Variants in CAMKMT observed in about 807,000 individuals in gnomAD.
CAMKMT encodes the protein calmodulin-lysine N-methyltransferase.
Under a neutral mutation model 48.0 loss-of-function variants are expected in CAMKMT, and 53 were observed. The ratio of observed to expected loss-of-function variants is 1.10; its 90% CI spans 0.89 to 1.39. The LOEUF (loss-of-function observed/expected upper bound fraction) is 1.39. Among genes scored for constraint, CAMKMT ranks in the 40% most tolerant of loss-of-function variants. The pLI, the probability that CAMKMT is intolerant of heterozygous loss-of-function variation, is 0.00. For synonymous variants in CAMKMT, 165 were observed against 152.3 expected (o/e 1.08, Z -0.61); for missense variants, 428 against 402.7 (o/e 1.06, Z -0.54).
chr2:44,747,653 T>A (rs1430964399), intron 8 of CAMKMT, among the ~76,000 whole-genome samples: 1 of 152,244 alleles, frequency 6.6e-6, no homozygotes, highest in Non-Finnish European at 1.5e-5. Context: ...CATAGGGGTC[T>A]TCCTTTCTGT....
At chr2:44,634,816 T>A (rs1239045454) in intron 3 of CAMKMT, among the ~76,000 whole-genome samples, 7 of 66,084 alleles carry the variant, frequency 1.1e-4, no homozygotes, top group South Asian at 4.7e-4. Flanking sequence ...AAAAAAAGCA[T>A]TCTAGTCAGA....
chr2:44,376,335 A>T (rs747925218), intron 2 of CAMKMT, among the ~76,000 whole-genome samples: 1 of 151,530 alleles, frequency 6.6e-6, no homozygotes, highest in African/African-American at 2.4e-5. Flanking sequence ...ACATGAGAAT[A>T]GCTTGAACGT....
At chr2:44,715,749 A>G (rs1196065926) in intron 7 of CAMKMT, among the ~76,000 whole-genome samples, 1 of 151,938 alleles carries the variant, frequency 6.6e-6, no homozygotes, top group Non-Finnish European at 1.5e-5. Flanking sequence ...TTTTGTTGTC[A>G]TGACTTGGTA....
At chr2:44,649,331 C>A (rs372176773) in intron 3 of CAMKMT, among the ~76,000 whole-genome samples, 1 of 151,744 alleles carries the variant, frequency 6.6e-6, no homozygotes, top group Admixed American at 6.6e-5. Context: ...AGGTGCTGGC[C>A]GTACTAAGAT....
chr2:44,726,372 G>A (rs1678787153), intron 7 of CAMKMT, among the ~76,000 whole-genome samples: 1 of 152,140 alleles, frequency 6.6e-6, no homozygotes, highest in African/African-American at 2.4e-5. Flanking sequence ...GCATTTCTCT[G>A]GTAATTAGTG....
At chr2:44,581,347 A>G (rs1397180600) in intron 3 of CAMKMT, among the ~76,000 whole-genome samples, 1 of 152,232 alleles carries the variant, frequency 6.6e-6, no homozygotes, top group Non-Finnish European at 1.5e-5. Flanking sequence ...ACATTAAGCT[A>G]AGCAAATGGG....
intron 6 of CAMKMT, among the ~76,000 whole-genome samples, chr2:44,714,954 GA>G (rs1678091803): frequency 6.6e-6 from 1 of 152,154 alleles, no homozygotes; most frequent in Admixed American, 6.6e-5. Flanking sequence ...AGTATTTTGG[GA>G]AACTGAGACA....
chr2:44,427,571 G>A (rs1684352434), intron 3 of CAMKMT, among the ~76,000 whole-genome samples: 1 of 152,114 alleles, frequency 6.6e-6, no homozygotes, highest in East Asian at 1.9e-4. Flanking sequence ...GAATCTAGAG[G>A]GATGCACATC....
intron 3 of CAMKMT, among the ~76,000 whole-genome samples, chr2:44,417,913 C>G (rs1233217382): frequency 6.6e-6 from 1 of 152,118 alleles, no homozygotes; most frequent in African/African-American, 2.4e-5. Context: ...GAGTTGTAGG[C>G]CGGGCATTGT....
chr2:44,667,157 A>G (rs889750930), intron 3 of CAMKMT, among the ~76,000 whole-genome samples: 3 of 152,158 alleles, frequency 2.0e-5, no homozygotes, highest in Admixed American at 1.3e-4. Flanking sequence ...TCCAATTCAG[A>G]CCACCCATCG....
intron 7 of CAMKMT, among the ~76,000 whole-genome samples, chr2:44,724,429 T>C (rs1678662380): frequency 6.6e-6 from 1 of 152,236 alleles, no homozygotes; most frequent in Admixed American, 6.5e-5. Flanking sequence ...TAAACCTTGC[T>C]GAAGCAAACT....
chr2:44,389,008 C>A (rs1203303617), intron 2 of CAMKMT, among the ~76,000 whole-genome samples: 2 of 152,124 alleles, frequency 1.3e-5, no homozygotes, highest in Non-Finnish European at 2.9e-5. Context: ...TGGTGCTTTC[C>A]AGAGAGCATC....
chr2:44,637,034 G>A (rs1416332344), intron 3 of CAMKMT, among the ~76,000 whole-genome samples: 1 of 151,798 alleles, frequency 6.6e-6, no homozygotes, highest in East Asian at 1.9e-4. Context: ...GGTAAGAGGG[G>A]AAAAAAAATG....
intron 9 of CAMKMT, among the ~76,000 whole-genome samples, chr2:44,756,326 C>T (rs1680378212): frequency 6.6e-6 from 1 of 152,172 alleles, no homozygotes; most frequent in African/African-American, 2.4e-5. Flanking sequence ...AGTATACAGT[C>T]CAAGACTAAG....
intron 3 of CAMKMT, among the ~76,000 whole-genome samples, chr2:44,402,923 G>GTTTTTTTTTTTTTTTTTTTTTT (rs67305689): frequency 7.4e-6 from 1 of 134,360 alleles, no homozygotes. Context: ...ATTACTGAAA[G>GTTTTTTTTTTTTTTTTTTTTTT]TTTTTTTTTT....
At chr2:44,633,452 C>A (rs765511822) in intron 3 of CAMKMT, among the ~76,000 whole-genome samples, 4 of 152,020 alleles carry the variant, frequency 2.6e-5, no homozygotes, top group Admixed American at 1.3e-4. Context: ...TGTTGTTTTT[C>A]GTTTTTTACC....
chr2:44,498,240 G>A (rs1482386626), intron 3 of CAMKMT, among the ~76,000 whole-genome samples: 1 of 152,134 alleles, frequency 6.6e-6, no homozygotes, highest in Non-Finnish European at 1.5e-5. Flanking sequence ...ACTTCATGTT[G>A]TGGAGTTGGA....
chr2:44,489,061 C>G (rs1033266547), intron 3 of CAMKMT, among the ~76,000 whole-genome samples: 1 of 152,014 alleles, frequency 6.6e-6, no homozygotes, highest in Admixed American at 6.6e-5. Flanking sequence ...GAAATGGAGT[C>G]TAGCCATGTT....
At chr2:44,413,671 G>C (rs1051468652) in intron 3 of CAMKMT, among the ~76,000 whole-genome samples, 4 of 150,390 alleles carry the variant, frequency 2.7e-5, no homozygotes, top group Non-Finnish European at 5.9e-5. Context: ...AAAAAGAAAA[G>C]AAAAAGAAAT....
Sources: gnomAD v4.1 joint callset for allele counts (sites outside exome capture counted in the v4.1 genomes callset) on GRCh38, gnomAD v4.1.1 for gene constraint, MANE v1.5 for transcripts, NCBI Gene and HGNC (gene_info 2026-07-23, HGNC 2026-07-21) for gene names.